Variants in FCER1G observed in about 807,000 individuals in gnomAD.
FCER1G encodes the protein high affinity immunoglobulin epsilon receptor subunit gamma.
FCER1G carries 7 observed loss-of-function variants against 17.3 expected under a neutral mutation model. The ratio of observed to expected loss-of-function variants is 0.40; its 90% CI spans 0.23 to 0.76. FCER1G has a LOEUF of 0.76. FCER1G is among the 30% of genes least tolerant of loss of function. FCER1G has a pLI of 0.35. For missense variants in FCER1G, 87 were observed against 97.7 expected, an observed-to-expected ratio of 0.89 and a Z score of 0.46; for synonymous variants, 35 against 38.7, an observed-to-expected ratio of 0.90 and a Z score of 0.35.
intron 1 of FCER1G, among the ~76,000 whole-genome samples, chr1:161,215,733 C>T (rs1440549627): frequency 6.6e-6 from 1 of 152,056 alleles, no homozygotes; most frequent in Non-Finnish European, 1.5e-5. Context: ...GCTGGGACTA[C>T]AGGTGCCCGC....
At position 161,215,448 on chromosome 1, in the gene FCER1G, A is replaced by G. The variant is rs1666013016; in HGVS notation, c.49+78A>G. ...GAGCTTGGGTCTGAGGGCCAAGTCAAACACAGGTGAAGGAAGGCTGACAGT... is the reference window on the plus strand; with the variant it reads ...GAGCTTGGGTCTGAGGGCCAAGTCAGACACAGGTGAAGGAAGGCTGACAGT... On this transcript the variant is annotated intron_variant, in intron 1 of 4. Transcript: ENST00000289902. 3.9e-6 allele frequency: 5 copies of G among 1,285,194 alleles called. No individual in the cohort carries two copies. The South Asian group carries it at 4.8e-5, about 12-fold the overall frequency. 79.6% of individuals were successfully genotyped at this position (1,285,194 alleles called of 1,614,324 possible). A position where few individuals can be genotyped will look rare whatever the true frequency, so the allele number is the denominator to read the frequency against.
At chr1:161,216,417 T>TAGAG (rs1464763886) in intron 1 of FCER1G, among the ~76,000 whole-genome samples, 1 of 138,970 alleles carries the variant, frequency 7.2e-6, no homozygotes, top group East Asian at 2.5e-4. Context: ...CACACATATA[T>TAGAG]ATATATATAT....
At chr1:161,215,774 G>T in intron 1 of FCER1G, among the ~76,000 whole-genome samples, 1 of 151,920 alleles carries the variant, frequency 6.6e-6, no homozygotes. Flanking sequence ...AGTATTTTTG[G>T]TAGAAACCGG....
chr1:161,218,414 C>T, intron 3 of FCER1G, 138 bp downstream of exon 3: 1 of 754,364 alleles, frequency 1.3e-6, no homozygotes, highest in South Asian at 1.5e-5. Context: ...GCCTCCCTCC[C>T]ACCTTACCTA....
At chr1:161,216,234 C>T (rs1249468318) in intron 1 of FCER1G, among the ~76,000 whole-genome samples, 1 of 151,616 alleles carries the variant, frequency 6.6e-6, no homozygotes, top group Non-Finnish European at 1.5e-5. Flanking sequence ...ATCACTTGAA[C>T]CCAGGAGGTG....
chr1:161,217,935 C>G lies in FCER1G; in HGVS notation c.50-51C>G, dbSNP rs369632774. The G allele has an allele frequency of 2.4e-6, 3 of 1,251,144 alleles. No individual in the cohort carries two copies. The African/African-American group carries it at 4.4e-5, about 18-fold the overall frequency. The allele number at this position is 1,251,144 out of a possible 1,614,324, so 77.5% of individuals were successfully genotyped here. On this transcript the variant is annotated intron_variant, in intron 1 of 4. Coordinates refer to ENST00000289902, the MANE Select transcript of FCER1G (RefSeq NM_004106.2). Reference sequence around the variant, plus strand: ...CCCCTTCCCTTCTCTCCTCTGAGTACCAGATCCTCCCTGATACCCCCGACC... The same window carrying G: ...CCCCTTCCCTTCTCTCCTCTGAGTAGCAGATCCTCCCTGATACCCCCGACC...
chr1:161,215,421 C>G, intron 1 of FCER1G, 51 bp downstream of exon 1: 1 of 1,554,982 alleles, frequency 6.4e-7, no homozygotes. Context: ...GGTGGAAGTC[C>G]AGAGCTTGGG....
Position 161,218,019 on chromosome 1 carries a change from T to C in FCER1G, c.83T>C (p.Leu28Pro), listed in dbSNP as rs765320498. The C allele has an allele frequency of 6.2e-7, 1 of 1,614,010 alleles. No individual in the cohort carries two copies. Among genetic ancestry groups the C allele is most frequent in the Non-Finnish European group, 8.5e-7 (1 of 1,179,928 alleles). The change falls in exon 2 of 5, where the codon CTG becomes CCG. Residue 28 changes from leucine to proline, a missense_variant. Coordinates refer to ENST00000289902, the MANE Select transcript of FCER1G (RefSeq NM_004106.2). ...GGAGAGCCTCAGCTCTGCTATATCC[T>C]GGATGCCATCCTGTTTCTGTATGGA... is the stretch of plus-strand genomic sequence containing the variant. ...ALGEPQLCYI[L>P]DAILFLYGIV...
chr1:161,215,569 A>T (rs1666017880), intron 1 of FCER1G, among the ~76,000 whole-genome samples, 199 bp downstream of exon 1: 1 of 152,052 alleles, frequency 6.6e-6, no homozygotes, highest in Non-Finnish European at 1.5e-5. Context: ...TTGCCTTCTT[A>T]CTTCATTCCA....
chr1:161,215,517 C>A, intron 1 of FCER1G, 147 bp downstream of exon 1: 1 of 744,066 alleles, frequency 1.3e-6, no homozygotes, highest in Admixed American at 1.8e-5. Context: ...TCCTCTCCAG[C>A]CCCGACCCAG....
chr1:161,218,619 C>T (rs1483638186), intron 3 of FCER1G, 84 bp from the exon 4 acceptor site: 2 of 1,468,248 alleles, frequency 1.4e-6, no homozygotes, highest in East Asian at 4.5e-5. Flanking sequence ...TGCCCACCCC[C>T]CATGCCTCCC....
intron 1 of FCER1G, 150 bp downstream of exon 1, chr1:161,215,520 C>T (rs567913219): frequency 4.4e-5 from 32 of 728,246 alleles, no homozygotes; most frequent in Admixed American, 1.9e-4. Context: ...TCTCCAGCCC[C>T]GACCCAGGGC....
In FCER1G at chr1:161,218,739, T is replaced by TC; in HGVS notation, c.198+21dup. 6.2e-7 allele frequency: 1 copy of TC among 1,612,920 alleles called. No homozygotes were observed. Among genetic ancestry groups the TC allele is most frequent in the Non-Finnish European group, 8.5e-7 (1 of 1,179,222 alleles). Reference sequence around the variant, plus strand: ...TGTTTACACGGTAAGTGTGCCTACCTCCCCCACCCAGGAAGTCAGCAGAAG... The same window carrying TC: ...TGTTTACACGGTAAGTGTGCCTACCTCCCCCCACCCAGGAAGTCAGCAGAAG... On this transcript the variant is annotated intron_variant, in intron 4 of 4. Coordinates refer to ENST00000289902, the MANE Select transcript of FCER1G (RefSeq NM_004106.2).
chr1:161,218,193 GA>G (rs1487584946), intron 2 of FCER1G, 47 bp from the exon 3 acceptor site: 1 of 1,581,242 alleles, frequency 6.3e-7, no homozygotes, highest in African/African-American at 1.3e-5. Flanking sequence ...AGGGAAGGGG[GA>G]TGGGCCATTA....
chr1:161,217,426 G>A (rs1467725251), intron 1 of FCER1G, among the ~76,000 whole-genome samples: 1 of 130,146 alleles, frequency 7.7e-6, no homozygotes, highest in Non-Finnish European at 1.6e-5. Flanking sequence ...TAAGTGTCTT[G>A]TGGTGGGACA....
In FCER1G at chr1:161,219,166, A is replaced by T. The variant is rs1666113004; in HGVS notation, c.*223A>T. ...TATTCTAGTCTCACTCTCTTGTCCC[A>T]CCCTTCTTCTCTTCCCCATTCCCAA... On this transcript the variant is annotated 3_prime_UTR_variant, in exon 5 of 5. Coordinates refer to ENST00000289902, the MANE Select transcript of FCER1G (RefSeq NM_004106.2). 2 of 551,488 alleles carry T rather than the reference A, an allele frequency of 3.6e-6. No individual in the cohort carries two copies. Among genetic ancestry groups the T allele is most frequent in the East Asian group, 3.0e-5 (1 of 32,942 alleles). The allele number at this position is 551,488 out of a possible 1,614,324, so 34.2% of individuals were successfully genotyped here.
chr1:161,215,401 C>T (rs377123904), intron 1 of FCER1G, 31 bp downstream of exon 1: 43 of 1,604,424 alleles, frequency 2.7e-5, no homozygotes, highest in Middle Eastern at 1.7e-4. Flanking sequence ...ATAGCGTGAG[C>T]TGGCTCCAGG....
chr1:161,218,646 T>G, intron 3 of FCER1G, 57 bp from the exon 4 acceptor site: 2 of 1,603,920 alleles, frequency 1.2e-6, no homozygotes, highest in Non-Finnish European at 1.7e-6. Context: ...GGGCAGATGC[T>G]GAGGGGCCCT....
At position 161,215,456 on chromosome 1, in the gene FCER1G, T is replaced by G. The variant is rs565258595; in HGVS notation, c.49+86T>G. The G allele has an allele frequency of 5.7e-6, 7 of 1,222,036 alleles. No individual in the cohort carries two copies. The South Asian group carries it at 8.4e-5, about 15-fold the overall frequency. The allele number at this position is 1,222,036 out of a possible 1,614,324, so 75.7% of individuals were successfully genotyped here. On this transcript the variant is annotated intron_variant, in intron 1 of 4. Transcript: ENST00000289902. ...GTCTGAGGGCCAAGTCAAACACAGG[T>G]GAAGGAAGGCTGACAGTGGGTAGGT...
Sources: gnomAD v4.1 joint callset for allele counts (sites outside exome capture counted in the v4.1 genomes callset) on GRCh38, gnomAD v4.1.1 for gene constraint, MANE v1.5 for transcripts, NCBI Gene and HGNC (gene_info 2026-07-23, HGNC 2026-07-21) for gene names.